INTS4: variants seen among roughly 807,000 people sequenced by gnomAD.
The protein encoded by INTS4 is MSTP093.
In INTS4, 70 loss-of-function variants were observed where a neutral mutation model predicts 119.5. That is an observed-to-expected ratio of 0.59 (90% confidence interval 0.48 to 0.71). The LOEUF is 0.71. Ranked by LOEUF, INTS4 falls within the 30% of genes least tolerant of loss-of-function variation. The probability of loss-of-function intolerance (pLI) is 0.00; values close to 1 mark genes in which losing one functional copy is unlikely to be tolerated. For missense variants in INTS4, 867 were observed against 1,173.2 expected, an observed-to-expected ratio of 0.74 and a Z score of 3.81; for synonymous variants, 316 against 419.6, an observed-to-expected ratio of 0.75 and a Z score of 3.02.
chr11:77,942,081 C>CA (rs1953941372), intron 8 of INTS4, among the ~76,000 whole-genome samples: 2 of 152,194 alleles, frequency 1.3e-5, no homozygotes, highest in South Asian at 4.1e-4. Context: ...TTCAATTAAA[C>CA]AAATATTTAG....
intron 8 of INTS4, among the ~76,000 whole-genome samples, chr11:77,949,725 T>C (rs1954141049): frequency 6.6e-6 from 1 of 152,140 alleles, no homozygotes; most frequent in Non-Finnish European, 1.5e-5. Context: ...CAACAGGTGC[T>C]GGAGAGGATG....
rs1223337656 is a variant in INTS4, at chr11:77,878,726, T to G, written c.*223A>C. 1 of 694,858 alleles carries G rather than the reference T, an allele frequency of 1.4e-6. No homozygotes were observed. The highest frequency in any genetic ancestry group is 1.8e-5 in the African/African-American group (1 of 56,550). The allele number at this position is 694,858 out of a possible 1,614,324, so 43.0% of individuals were successfully genotyped here. ...GACCAGGAACTAGAACAGCTTGGTG[T>G]TTTCTCAACTTTATTGTGGACAGGA... On this transcript the variant is annotated 3_prime_UTR_variant, in exon 23 of 23. Transcript: ENST00000534064.
chr11:77,990,763 G>C (rs1856649805), intron 2 of INTS4, among the ~76,000 whole-genome samples: 2 of 151,920 alleles, frequency 1.3e-5, no homozygotes, highest in South Asian at 2.1e-4. Flanking sequence ...CATGAATTAG[G>C]AAAGGAACAG....
intron 4 of INTS4, among the ~76,000 whole-genome samples, chr11:77,961,500 T>C (rs1486219893): frequency 6.6e-6 from 1 of 152,206 alleles, no homozygotes; most frequent in Admixed American, 6.5e-5. Context: ...TTTTTAAAAC[T>C]TTTAATATCC....
chr11:77,950,075 GA>G (rs915276655), intron 8 of INTS4, among the ~76,000 whole-genome samples: 1 of 152,150 alleles, frequency 6.6e-6, no homozygotes, highest in Non-Finnish European at 1.5e-5. Context: ...CAGGGACATG[GA>G]TGAAGCTGGA....
At chr11:77,916,961 AG>A (rs1279603576) in intron 15 of INTS4, among the ~76,000 whole-genome samples, 6 of 152,356 alleles carry the variant, frequency 3.9e-5, no homozygotes, top group Admixed American at 3.9e-4. Flanking sequence ...AATGCTGCTA[AG>A]TGAATGAATG....
chr11:77,987,547 A>C (rs1051740821), intron 2 of INTS4: 6 of 419,860 alleles, frequency 1.4e-5, no homozygotes, highest in African/African-American at 1.3e-4. Flanking sequence ...GATCACTGAG[A>C]GATCGAAAAC....
At chr11:77,974,984 T>C (rs138354017) in intron 4 of INTS4, among the ~76,000 whole-genome samples, 3 of 152,230 alleles carry the variant, frequency 2.0e-5, no homozygotes, top group African/African-American at 7.2e-5. Flanking sequence ...GTCTTCTCTC[T>C]CTTTCTTGGT....
At chr11:77,964,307 C>T (rs1181092872) in intron 4 of INTS4, among the ~76,000 whole-genome samples, 1 of 152,096 alleles carries the variant, frequency 6.6e-6, no homozygotes, top group East Asian at 1.9e-4. Flanking sequence ...GTGGCTCACA[C>T]CTGTAATCCT....
chr11:77,884,892 T>C (rs953603514), intron 21 of INTS4: 17 of 255,740 alleles, frequency 6.6e-5, no homozygotes, highest in African/African-American at 1.1e-4. Context: ...GGAGTGGGGA[T>C]TACAGGCACG....
chr11:77,935,615 G>T (rs1289684887), intron 10 of INTS4, among the ~76,000 whole-genome samples: 1 of 152,096 alleles, frequency 6.6e-6, no homozygotes, highest in Non-Finnish European at 1.5e-5. Flanking sequence ...GAATTTTGCA[G>T]CCAGGTGTGG....
chr11:77,888,759 G>A (rs1952129966), intron 21 of INTS4, among the ~76,000 whole-genome samples: 1 of 152,122 alleles, frequency 6.6e-6, no homozygotes, highest in South Asian at 2.1e-4. Context: ...CAAAAAGTGG[G>A]CAAAGGATAT....
chr11:77,876,927 T>G, downstream of INTS4: 1 of 702,378 alleles, frequency 1.4e-6, no homozygotes, highest in South Asian at 1.5e-5. Flanking sequence ...GCAGCAGCCA[T>G]GGTTCTTCAT....
At chr11:77,925,061 A>G (rs1455817437) in intron 11 of INTS4, among the ~76,000 whole-genome samples, 169 bp from the exon 12 acceptor site, 3 of 152,164 alleles carry the variant, frequency 2.0e-5, no homozygotes, top group Non-Finnish European at 2.9e-5. Context: ...TTTATTGATA[A>G]AGGACCAGAG....
At chr11:77,883,811 A>C (rs760937603) in intron 22 of INTS4, 21 bp downstream of exon 22, 1 of 1,610,482 alleles carries the variant, frequency 6.2e-7, no homozygotes, top group Non-Finnish European at 8.5e-7. Context: ...TTCCCTTCCC[A>C]CCCTGGTCCT....
At chr11:77,962,601 G>A (rs1471568097) in intron 4 of INTS4, among the ~76,000 whole-genome samples, 2 of 151,886 alleles carry the variant, frequency 1.3e-5, no homozygotes, top group Non-Finnish European at 2.9e-5. Flanking sequence ...CCCAAAGTAA[G>A]AAACACATAA....
Position 77,922,492 on chromosome 11 carries a change from T to G in INTS4, c.1515-21A>C, listed in dbSNP as rs1164219928. Reference sequence around the variant, plus strand: ...AGCACCTGAAACAAACAAATAAGAATGCACATCAACAAATTAGTAAAGTTA... The same window carrying G: ...AGCACCTGAAACAAACAAATAAGAAGGCACATCAACAAATTAGTAAAGTTA... On this transcript the variant is annotated intron_variant, in intron 12 of 22. Coordinates refer to ENST00000534064, the MANE Select transcript of INTS4 (RefSeq NM_033547.4). The G allele has an allele frequency of 6.3e-6, 7 of 1,104,686 alleles. No homozygotes were observed. The African/African-American group carries it at 6.4e-5, about 10-fold the overall frequency. The allele number at this position is 1,104,686 out of a possible 1,614,324, so 68.4% of individuals were successfully genotyped here. A position where few individuals can be genotyped will look rare whatever the true frequency, so the allele number is the denominator to read the frequency against.
chr11:77,891,922 C>A (rs1952287415), intron 19 of INTS4, 82 bp from the exon 20 acceptor site: 1 of 1,587,426 alleles, frequency 6.3e-7, no homozygotes, highest in African/African-American at 1.3e-5. Context: ...CCTATCAAAC[C>A]CTGAAGTAGG....
chr11:77,913,079 T>C (rs903830687), intron 15 of INTS4, among the ~76,000 whole-genome samples: 5 of 152,192 alleles, frequency 3.3e-5, no homozygotes, highest in African/African-American at 9.7e-5. Context: ...ACACTGTGTA[T>C]AGCAACAGCA....
Sources: allele counts gnomAD v4.1 joint callset (sites outside exome capture counted in the v4.1 genomes callset), GRCh38; gene constraint gnomAD v4.1.1; transcripts MANE v1.5; gene names NCBI Gene and HGNC (gene_info 2026-07-23, HGNC 2026-07-21).